Variants in PRCP observed in about 807,000 individuals in gnomAD.
PRCP encodes the protein prolylcarboxypeptidase.
PRCP carries 46 observed loss-of-function variants against 54.2 expected under a neutral mutation model. That is an observed-to-expected ratio of 0.85 (90% CI 0.67 to 1.09). The LOEUF (loss-of-function observed/expected upper bound fraction) is 1.09, where lower values mean the gene tolerates loss of function less well. Ranked by LOEUF, PRCP falls within the 50% of genes least tolerant of loss-of-function variation. PRCP has a pLI of 0.00. For missense variants in PRCP, 613 were observed against 596.8 expected (o/e 1.03, Z -0.28); for synonymous variants, 240 against 212.2 (o/e 1.13, Z -1.14).
intron 1 of PRCP, among the ~76,000 whole-genome samples, chr11:82,864,007 C>G (rs976763810): frequency 2.0e-5 from 3 of 152,218 alleles, no homozygotes; most frequent in Admixed American, 6.5e-5. Flanking sequence ...TAACCACATA[C>G]AATTCAAAGG....
chr11:82,835,214 A>G (rs1858490986), intron 8 of PRCP, among the ~76,000 whole-genome samples: 1 of 152,230 alleles, frequency 6.6e-6, no homozygotes, highest in Non-Finnish European at 1.5e-5. Flanking sequence ...ATTAAAATTA[A>G]AAATTAAAAA....
intron 1 of PRCP, among the ~76,000 whole-genome samples, chr11:82,894,702 A>G (rs1411419607): frequency 6.6e-6 from 1 of 152,262 alleles, no homozygotes; most frequent in Non-Finnish European, 1.5e-5. Flanking sequence ...GAATATAAAC[A>G]AGTCAGTGAA....
chr11:82,873,915 G>A (rs944749734), intron 1 of PRCP, among the ~76,000 whole-genome samples: 1 of 152,216 alleles, frequency 6.6e-6, no homozygotes, highest in African/African-American at 2.4e-5. Context: ...TAATGTCTAA[G>A]TTTTTTCCTC....
chr11:82,895,281 C>T (rs1860092860), intron 1 of PRCP, among the ~76,000 whole-genome samples: 1 of 152,148 alleles, frequency 6.6e-6, no homozygotes, highest in African/African-American at 2.4e-5. Context: ...AGAAACAGAA[C>T]TTGCTCTCAA....
chr11:82,849,814 AT>A (rs1427395397), intron 5 of PRCP, 99 bp downstream of exon 5: 21 of 1,101,228 alleles, frequency 1.9e-5, no homozygotes, highest in Non-Finnish European at 2.5e-5. Flanking sequence ...TATGTACATT[AT>A]ACTTTAACAA....
chr11:82,849,190 G>T lies in PRCP; in HGVS notation c.780C>A (p.Ala260=), dbSNP rs1201465013. 6.2e-7 allele frequency: 1 copy of T among 1,613,986 alleles called. No homozygotes were observed. The highest frequency in any genetic ancestry group is 1.1e-5 in the South Asian group (1 of 91,076). The stretch of plus-strand genomic sequence containing the variant: ...AAGTTAATGGGCTGCATAAGTGAAG[G>T]GCTCCAGTAAGCCACTGCAAACCAC... ...TGSGLQWLTG[A]LHLCSPLTSQ... The change falls in exon 6 of 9, where the codon GCC becomes GCA. Residue 260 remains alanine (A), a synonymous_variant. Transcript: ENST00000313010.
rs1860236761 is a variant in PRCP, at chr11:82,900,257, G to A, written c.146C>T (p.Ser49Leu). Residue 49 changes from serine (S) to leucine (L), a missense_variant, in exon 1 of 9, where the codon TCG becomes TTG. Coordinates refer to ENST00000313010, the MANE Select transcript of PRCP (RefSeq NM_005040.4). ...TACCTTCTGTTGGAAGTAGAGAACC[G>A]AATAGTTCTTGGCTACAGCCGGGAG... ...TSLPAVAKNY[S>L]VLYFQQKVDH... The A allele has an allele frequency of 2.3e-5, 37 of 1,614,206 alleles. No homozygotes were observed. Among genetic ancestry groups the A allele is most frequent in the Non-Finnish European group, 3.1e-5 (36 of 1,180,030 alleles).
At chr11:82,832,576 T>C (rs1858415352) in intron 8 of PRCP, among the ~76,000 whole-genome samples, 1 of 152,252 alleles carries the variant, frequency 6.6e-6, no homozygotes, top group Non-Finnish European at 1.5e-5. Flanking sequence ...GTACATTTGT[T>C]TAAGTTCCTT....
intron 1 of PRCP, among the ~76,000 whole-genome samples, chr11:82,862,384 CT>C (rs1269497324): frequency 6.6e-6 from 1 of 152,208 alleles, no homozygotes; most frequent in East Asian, 1.9e-4. Context: ...CTCACTGAGC[CT>C]TTAGCATCAT....
chr11:82,839,636 G>A (rs1858612893), intron 6 of PRCP: 1 of 567,424 alleles, frequency 1.8e-6, no homozygotes, highest in African/African-American at 1.9e-5. Context: ...ATAAACCGAA[G>A]TCATTTGCAT....
intron 6 of PRCP, among the ~76,000 whole-genome samples, chr11:82,842,473 A>C (rs1176584768): frequency 6.6e-6 from 1 of 152,230 alleles, no homozygotes; most frequent in Admixed American, 6.5e-5. Context: ...GACCAACATT[A>C]GAAAATCTAG....
intron 6 of PRCP, chr11:82,845,751 A>G (rs1484793725): frequency 6.8e-6 from 1 of 147,262 alleles, no homozygotes; most frequent in African/African-American, 2.4e-5. Flanking sequence ...TTAACAAATT[A>G]CAGCATCCTT....
At chr11:82,833,486 CTG>C (rs1485099197) in intron 8 of PRCP, among the ~76,000 whole-genome samples, 1 of 152,150 alleles carries the variant, frequency 6.6e-6, no homozygotes, top group Non-Finnish European at 1.5e-5. Context: ...CATTTTTACA[CTG>C]TTGGTGGGAG....
chr11:82,865,285 C>T (rs1302470989), intron 1 of PRCP, among the ~76,000 whole-genome samples: 2 of 152,174 alleles, frequency 1.3e-5, no homozygotes, highest in Non-Finnish European at 2.9e-5. Flanking sequence ...ATAAAGCTGA[C>T]TATAAACTTC....
chr11:82,877,636 G>A (rs1324327767), intron 1 of PRCP, among the ~76,000 whole-genome samples: 1 of 152,218 alleles, frequency 6.6e-6, no homozygotes, highest in Non-Finnish European at 1.5e-5. Context: ...TGAGCCTGCA[G>A]GTGCACAGAA....
intron 1 of PRCP, among the ~76,000 whole-genome samples, chr11:82,891,842 T>G (rs1002912920): frequency 1.3e-5 from 2 of 152,264 alleles, no homozygotes; most frequent in African/African-American, 4.8e-5. Context: ...GCTTTTTTCA[T>G]TTATTATTAA....
At chr11:82,898,765 G>GA (rs1369753288) in intron 1 of PRCP, among the ~76,000 whole-genome samples, 2 of 152,116 alleles carry the variant, frequency 1.3e-5, no homozygotes, top group South Asian at 2.1e-4. Context: ...AGTTGCCTGA[G>GA]AAAAAAGATT....
intron 1 of PRCP, among the ~76,000 whole-genome samples, chr11:82,875,520 T>A (rs1859582192): frequency 6.6e-6 from 1 of 152,218 alleles, no homozygotes; most frequent in African/African-American, 2.4e-5. Flanking sequence ...CATAGGTGAC[T>A]ATAATTAATA....
At position 82,853,294 on chromosome 11, in the gene PRCP, A is replaced by G; in HGVS notation, c.310-16T>C. 1 of 1,583,620 alleles carries G rather than the reference A, an allele frequency of 6.3e-7. No homozygotes were observed. Among genetic ancestry groups the G allele is most frequent in the Non-Finnish European group, 8.6e-7 (1 of 1,160,622 alleles). On this transcript the variant is annotated splice_polypyrimidine_tract_variant and intron_variant, in intron 2 of 8. Coordinates refer to ENST00000313010, the MANE Select transcript of PRCP (RefSeq NM_005040.4). ...ACATGAACCCCTAAGAAGAGTTTAC[A>G]AAATCACAGGATAAAATCAGAATGT... is the stretch of plus-strand genomic sequence containing the variant.
Sources: gnomAD v4.1 joint callset for allele counts (sites outside exome capture counted in the v4.1 genomes callset) on GRCh38, gnomAD v4.1.1 for gene constraint, MANE v1.5 for transcripts, NCBI Gene and HGNC (gene_info 2026-07-23, HGNC 2026-07-21) for gene names.